The following RABGAP1L variants were observed in gnomAD, a reference collection of about 807,000 sequenced individuals.
RABGAP1L encodes RAB GTPase activating protein 1 like, also known as rab GTPase-activating protein 1-like.
RABGAP1L carries 63 observed loss-of-function variants against 137.7 expected under a neutral mutation model. The observed-to-expected ratio is 0.46, with a 90% CI of 0.37 to 0.56. The LOEUF (loss-of-function observed/expected upper bound fraction) is 0.56, where lower values mean the gene tolerates loss of function less well. RABGAP1L is among the 20% of genes least tolerant of loss of function. RABGAP1L has a pLI of 0.00. For synonymous variants in RABGAP1L, 431 were observed against 433.7 expected, an observed-to-expected ratio of 0.99 and a Z score of 0.08; for missense variants, 1,095 against 1,244.0, an observed-to-expected ratio of 0.88 and a Z score of 1.80.
chr1:174,359,972 G>A (rs182900179), intron 11 of RABGAP1L, among the ~76,000 whole-genome samples: 28 of 152,278 alleles, frequency 1.8e-4, no homozygotes, highest in Admixed American at 1.6e-3. Flanking sequence ...CCATCCAACT[G>A]TTTGGCCCCT....
chr1:174,204,114 C>T (rs1475961114), intron 1 of RABGAP1L, among the ~76,000 whole-genome samples: 1 of 152,010 alleles, frequency 6.6e-6, no homozygotes. Flanking sequence ...CCATGCCCAG[C>T]TAATTTTTGT....
rs180804188 is a variant in RABGAP1L, at chr1:174,471,028, G to A, written c.1710+76883G>A. Among the ~76,000 whole-genome samples the A allele has an allele frequency of 5.6e-3, 734 of 130,346 alleles. 4 individuals carry two copies. The highest frequency in any genetic ancestry group is 7.3e-3 in the Non-Finnish European group (474 of 65,220). The allele number at this position is 130,346 out of a possible 152,430, so 85.5% of individuals were successfully genotyped here. A position where few individuals can be genotyped will look rare whatever the true frequency, so the allele number is the denominator to read the frequency against. ...CTAGCATGGTGGCTTATACATAGCAGGTATTTAGGAAAAAAAAACACACTT... is the reference window on the plus strand; with the variant it reads ...CTAGCATGGTGGCTTATACATAGCAAGTATTTAGGAAAAAAAAACACACTT... On this transcript the variant is annotated intron_variant, in intron 13 of 25. Transcript: ENST00000681986.
In RABGAP1L at chr1:174,453,822, C is replaced by T. The variant is rs143311270; in HGVS notation, c.1710+59677C>T. The stretch of plus-strand genomic sequence containing the variant: ...GTCTTGCTCTGTATTTTAAAATATT[C>T]ATAACTTTTTTCAATAGTAAAAGTG... On this transcript the variant is annotated intron_variant, in intron 13 of 25. Coordinates refer to ENST00000681986, the MANE Select transcript of RABGAP1L (RefSeq NM_001366446.1). Among the ~76,000 whole-genome samples, 27 of 152,176 alleles carry T rather than the reference C, an allele frequency of 1.8e-4. 1 individual carries two copies. Among genetic ancestry groups the T allele is most frequent in the African/African-American group, 6.3e-4 (26 of 41,516 alleles).
chr1:174,919,620 A>T (rs1661475272), intron 19 of RABGAP1L, among the ~76,000 whole-genome samples: 1 of 152,166 alleles, frequency 6.6e-6, no homozygotes, highest in African/African-American at 2.4e-5. Context: ...TTGGGAGGCC[A>T]AGGTGGGAGG....
chr1:174,691,267 C>T (rs1678861912), intron 15 of RABGAP1L, among the ~76,000 whole-genome samples: 1 of 152,136 alleles, frequency 6.6e-6, no homozygotes, highest in African/African-American at 2.4e-5. Context: ...ATGGGGATTA[C>T]TTTAAATTAT....
At chr1:174,950,108 A>G (rs1196921575) in intron 19 of RABGAP1L, among the ~76,000 whole-genome samples, 1 of 152,236 alleles carries the variant, frequency 6.6e-6, no homozygotes, top group Non-Finnish European at 1.5e-5. Context: ...ATGTCAGATG[A>G]GATTAAAACA....
intron 22 of RABGAP1L, 48 bp downstream of exon 22, chr1:174,976,230 G>A: frequency 7.1e-7 from 1 of 1,398,926 alleles, no homozygotes; most frequent in East Asian, 2.5e-5. Flanking sequence ...TATGTTGGTA[G>A]GGAATTAACA....
chr1:174,550,921 C>CACATACACAT (rs1467484298), intron 13 of RABGAP1L, among the ~76,000 whole-genome samples: 1 of 90,958 alleles, frequency 1.1e-5, no homozygotes, highest in Non-Finnish European at 1.9e-5. Flanking sequence ...CACACACACA[C>CACATACACAT]ATATATATAT....
At chr1:174,680,767 G>C (rs376294480) in intron 14 of RABGAP1L, among the ~76,000 whole-genome samples, 16 of 152,148 alleles carry the variant, frequency 1.1e-4, no homozygotes, top group African/African-American at 3.9e-4. Context: ...TGGTGGGGCA[G>C]CCTGTAGTCC....
chr1:174,483,394 C>G (rs1432554853), intron 13 of RABGAP1L, among the ~76,000 whole-genome samples: 4 of 152,150 alleles, frequency 2.6e-5, no homozygotes, highest in African/African-American at 9.7e-5. Context: ...CGATGTCTGT[C>G]TTTCTGTGCC....
At chr1:174,709,927 C>A (rs182636538) in intron 17 of RABGAP1L, among the ~76,000 whole-genome samples, 20 of 152,266 alleles carry the variant, frequency 1.3e-4, no homozygotes, top group African/African-American at 4.6e-4. Context: ...TAAAAGGTTA[C>A]AGAAACTGCT....
intron 19 of RABGAP1L, chr1:174,874,511 G>A (rs1330659910): frequency 2.0e-6 from 2 of 978,396 alleles, no homozygotes; most frequent in Non-Finnish European, 2.4e-6. Context: ...CTCCTGGTAA[G>A]TTTTAGCTTC....
chr1:174,263,315 T>C (rs1008327469), intron 7 of RABGAP1L, among the ~76,000 whole-genome samples: 1 of 152,338 alleles, frequency 6.6e-6, no homozygotes, highest in African/African-American at 2.4e-5. Context: ...CCACCTTTGG[T>C]GAAAGGACCC....
intron 13 of RABGAP1L, among the ~76,000 whole-genome samples, chr1:174,588,284 C>A (rs1411211169): frequency 1.3e-5 from 2 of 152,030 alleles, no homozygotes; most frequent in African/African-American, 4.8e-5. Context: ...CTGCCTCAGC[C>A]TCCTGAGTAG....
intron 13 of RABGAP1L, among the ~76,000 whole-genome samples, chr1:174,401,665 G>T (rs755979968): frequency 6.6e-6 from 1 of 152,138 alleles, no homozygotes; most frequent in Non-Finnish European, 1.5e-5. Flanking sequence ...TATCTCTTCT[G>T]TATCAGAGGC....
At chr1:174,528,035 T>C (rs1000004396) in intron 13 of RABGAP1L, among the ~76,000 whole-genome samples, 4 of 152,086 alleles carry the variant, frequency 2.6e-5, no homozygotes, top group African/African-American at 7.2e-5. Context: ...TCTATATGTG[T>C]CTTTACAGGT....
intron 5 of RABGAP1L, among the ~76,000 whole-genome samples, chr1:174,247,870 T>C (rs962610247): frequency 6.6e-6 from 1 of 152,066 alleles, no homozygotes; most frequent in Non-Finnish European, 1.5e-5. Flanking sequence ...CCCCTCTCCC[T>C]CTGTCTCTGT....
rs549399520 is a variant in RABGAP1L, at chr1:174,182,214, G to A, written c.-34+22557G>A. On this transcript the variant is annotated intron_variant, in intron 1 of 25. Transcript: ENST00000681986. ...TAGCTGTGTAGTTTCAGGGCTATGGGAAGAAACTGAGGAGATTCGGGGAAA... is the reference window on the plus strand; with the variant it reads ...TAGCTGTGTAGTTTCAGGGCTATGGAAAGAAACTGAGGAGATTCGGGGAAA... Among the ~76,000 whole-genome samples, 4 of 152,246 alleles carry A rather than the reference G, an allele frequency of 2.6e-5. No individual in the cohort carries two copies. The South Asian group carries it at 8.3e-4, about 32-fold the overall frequency.
At chr1:174,771,889 G>A (rs1262852442) in intron 18 of RABGAP1L, among the ~76,000 whole-genome samples, 2 of 152,208 alleles carry the variant, frequency 1.3e-5, no homozygotes, top group Admixed American at 6.5e-5. Flanking sequence ...ATCTGATGCT[G>A]TGCTAAGCAC....
Sources: gnomAD v4.1 joint callset for allele counts (sites outside exome capture counted in the v4.1 genomes callset) on GRCh38, gnomAD v4.1.1 for gene constraint, MANE v1.5 for transcripts, NCBI Gene and HGNC (gene_info 2026-07-23, HGNC 2026-07-21) for gene names.